Variants in CCDC15 observed in about 807,000 individuals in gnomAD.
The protein encoded by CCDC15 is coiled-coil domain containing 15, also known as coiled-coil domain-containing protein 15.
A neutral mutation model predicts 114.5 loss-of-function variants in CCDC15; 105 were observed. The observed-to-expected ratio is 0.92, with a 90% confidence interval of 0.78 to 1.08. The LOEUF is 1.08. Among genes scored for constraint, CCDC15 ranks in the 50% least tolerant of loss-of-function variants. CCDC15 has a pLI of 0.00. For synonymous variants in CCDC15, 334 were observed against 377.8 expected, an observed-to-expected ratio of 0.88 and a Z score of 1.34; for missense variants, 1,105 against 1,093.6, an observed-to-expected ratio of 1.01 and a Z score of -0.15.
chr11:125,010,632 A>G (rs1948583863), intron 13 of CCDC15, among the ~76,000 whole-genome samples: 1 of 152,148 alleles, frequency 6.6e-6, no homozygotes, highest in African/African-American at 2.4e-5. Flanking sequence ...ATTTGGGGGA[A>G]TTACAGGAGT....
At chr11:125,000,477 G>A (rs1948460956) in intron 11 of CCDC15, among the ~76,000 whole-genome samples, 1 of 152,112 alleles carries the variant, frequency 6.6e-6, no homozygotes, top group African/African-American at 2.4e-5. Context: ...TCCATAGGGG[G>A]TAGATCCCAG....
chr11:125,021,589 A>G (rs985991427), intron 13 of CCDC15, among the ~76,000 whole-genome samples: 1 of 151,844 alleles, frequency 6.6e-6, no homozygotes, highest in Non-Finnish European at 1.5e-5. Flanking sequence ...TGGTGGAGTG[A>G]TGGATCTTAA....
chr11:125,008,321 C>T (rs187551713), intron 13 of CCDC15, among the ~76,000 whole-genome samples: 20 of 152,230 alleles, frequency 1.3e-4, no homozygotes, highest in African/African-American at 4.3e-4. Context: ...TTTTAAACTC[C>T]ACCCGTTCAT....
Position 124,954,704 on chromosome 11 carries a change from T to A in CCDC15, c.-9-20T>A, listed in dbSNP as rs1947516373. The A allele has an allele frequency of 6.2e-7, 1 of 1,610,210 alleles. No homozygotes were observed. The highest frequency in any genetic ancestry group is 8.5e-7 in the Non-Finnish European group (1 of 1,177,316). On this transcript the variant is annotated intron_variant, in intron 1 of 15. Transcript: ENST00000344762. The stretch of plus-strand genomic sequence containing the variant: ...ATGCAGTCATTTGAAGATTTTAAGC[T>A]TTTTCTTTCTCCTAATCAGGAGTCA...
At chr11:124,990,046 A>G (rs1035680285) in intron 8 of CCDC15, among the ~76,000 whole-genome samples, 2 of 152,186 alleles carry the variant, frequency 1.3e-5, no homozygotes, top group Admixed American at 6.5e-5. Flanking sequence ...TTGGCTTTCA[A>G]CAGGCCTGTT....
chr11:125,023,934 A>G (rs7926334), intron 13 of CCDC15, among the ~76,000 whole-genome samples: 26,628 of 151,932 alleles, frequency 0.18, 2,529 homozygotes, highest in African/African-American at 0.24. Flanking sequence ...ATACAGAGAT[A>G]GAAAAGTTAG....
At chr11:125,017,595 G>A (rs1948636691) in intron 13 of CCDC15, among the ~76,000 whole-genome samples, 1 of 152,062 alleles carries the variant, frequency 6.6e-6, no homozygotes, top group Non-Finnish European at 1.5e-5. Flanking sequence ...TATGTTACTG[G>A]TTTATATATT....
rs113033744 is a variant in CCDC15 at position 124,984,240 on chromosome 11, C to T, written c.754-2502C>T. Among the ~76,000 whole-genome samples the T allele has an allele frequency of 3.9e-5, 6 of 152,082 alleles. No individual in the cohort carries two copies. In the East Asian group the frequency reaches 7.8e-4, roughly 20 times the overall value. On this transcript the variant is annotated intron_variant, in intron 6 of 15. Coordinates refer to ENST00000344762, the MANE Select transcript of CCDC15 (RefSeq NM_025004.3). The stretch of plus-strand genomic sequence containing the variant: ...GCTGGAAAAGTGGCATGAGGGAGGA[C>T]GCAGTGGGGGAAGGGCATAGGCAGG...
intron 13 of CCDC15, among the ~76,000 whole-genome samples, chr11:125,029,217 C>A (rs11826610): frequency 1.3e-5 from 2 of 152,212 alleles, no homozygotes; most frequent in East Asian, 3.9e-4. Context: ...CCTTTGGCAA[C>A]ACCCTCACAG....
At chr11:125,032,544 C>A (rs1233727344) in intron 13 of CCDC15, among the ~76,000 whole-genome samples, 1 of 152,206 alleles carries the variant, frequency 6.6e-6, no homozygotes, top group Non-Finnish European at 1.5e-5. Flanking sequence ...GTGGGAATCA[C>A]CAACCCTGCA....
At chr11:124,969,078 A>G (rs1947835222) in intron 4 of CCDC15, among the ~76,000 whole-genome samples, 1 of 152,128 alleles carries the variant, frequency 6.6e-6, no homozygotes, top group East Asian at 1.9e-4. Context: ...TTGGGTTTCT[A>G]TATTCCTAAT....
intron 13 of CCDC15, among the ~76,000 whole-genome samples, chr11:125,032,414 C>A (rs918015838): frequency 1.3e-5 from 2 of 152,304 alleles, no homozygotes; most frequent in Non-Finnish European, 2.9e-5. Flanking sequence ...TGAAACCACA[C>A]CTGGTACAGC....
intron 8 of CCDC15, among the ~76,000 whole-genome samples, chr11:124,989,802 C>A (rs972794346): frequency 6.6e-6 from 1 of 152,190 alleles, no homozygotes; most frequent in Non-Finnish European, 1.5e-5. Flanking sequence ...CTTCTCTCAG[C>A]CTTCATAATA....
chr11:124,994,364 C>G lies in CCDC15; in HGVS notation c.2214+1121C>G, dbSNP rs1948326402. Among the ~76,000 whole-genome samples the G allele has an allele frequency of 2.6e-5, 4 of 152,306 alleles. No homozygotes were observed. The South Asian group carries it at 8.3e-4, about 32-fold the overall frequency. ...GAGTGGTCAGGCTGATCAAGAAGCACATTCCTGTTTTATTTCATACAGCGC... is the reference window on the plus strand; with the variant it reads ...GAGTGGTCAGGCTGATCAAGAAGCAGATTCCTGTTTTATTTCATACAGCGC... On this transcript the variant is annotated intron_variant, in intron 11 of 15. Transcript: ENST00000344762.
chr11:124,974,156 G>A (rs1301961328), intron 4 of CCDC15, among the ~76,000 whole-genome samples: 6 of 151,832 alleles, frequency 4.0e-5, no homozygotes, highest in Non-Finnish European at 4.4e-5. Flanking sequence ...TTTATTTTTA[G>A]TAGAGATGGG....
chr11:124,968,547 C>T (rs1947824018), intron 4 of CCDC15, among the ~76,000 whole-genome samples: 1 of 152,110 alleles, frequency 6.6e-6, no homozygotes, highest in African/African-American at 2.4e-5. Context: ...CCCGATTTTC[C>T]AGGTACCATC....
intron 11 of CCDC15, among the ~76,000 whole-genome samples, chr11:124,999,132 T>C (rs1948429404): frequency 6.6e-6 from 1 of 152,186 alleles, no homozygotes; most frequent in African/African-American, 2.4e-5. Context: ...AAATTTGTAA[T>C]TATTTGAGTC....
intron 6 of CCDC15, among the ~76,000 whole-genome samples, chr11:124,983,628 T>G (rs1430442068): frequency 6.6e-6 from 1 of 152,152 alleles, no homozygotes. Flanking sequence ...CTCTGGCCTC[T>G]TAAGGTTAGG....
chr11:125,040,038 G>C (rs78127042), intron 15 of CCDC15, among the ~76,000 whole-genome samples: 1 of 147,996 alleles, frequency 6.8e-6, no homozygotes, highest in Non-Finnish European at 1.5e-5. Context: ...GTTGTTGTTT[G>C]TTTTTTTGTT....
Sources: gnomAD v4.1 joint callset for allele counts (sites outside exome capture counted in the v4.1 genomes callset) on GRCh38, gnomAD v4.1.1 for gene constraint, MANE v1.5 for transcripts, NCBI Gene and HGNC (gene_info 2026-07-23, HGNC 2026-07-21) for gene names.